Variants in FAM83H observed in about 807,000 individuals in gnomAD.
FAM83H encodes the protein scaffolding CK1 anchoring protein H, also known as protein FAM83H.
A neutral mutation model predicts 30.2 loss-of-function variants in FAM83H; 24 were observed. The observed-to-expected ratio is 0.79, with a 90% confidence interval of 0.57 to 1.12. FAM83H has a LOEUF of 1.12. Among genes scored for constraint, FAM83H ranks in the 50% most tolerant of loss-of-function variants. The pLI, the probability that FAM83H is intolerant of heterozygous loss-of-function variation, is 0.00. For missense variants in FAM83H, 2,038 were observed against 1,773.9 expected (o/e 1.15, Z -2.67); for synonymous variants, 1,013 against 821.7 (o/e 1.23, Z -3.98).
intron 1 of FAM83H, chr8:143,731,535 A>G: frequency 1.0e-6 from 1 of 985,374 alleles, no homozygotes; most frequent in South Asian, 4.7e-5. Context: ...GTCCTGGAAC[A>G]CTGATCCCTA....
rs1477595930 is a variant in FAM83H, at chr8:143,728,337, G to T, written c.1124C>A (p.Pro375Gln). ...GALEPHAGLR[P>Q]LSRRLEAEAG... ...CTCGGCCTCCAGGCGCCGCGAGAGC[G>T]GCCGCAGCCCCGCGTGCGGTTCCAG... Residue 375 changes from proline (P) to glutamine (Q), a missense_variant, in exon 5 of 5, where the codon CCG (proline) becomes CAG (glutamine). Pro to Gln is a moderately conservative substitution (Grantham distance 76). Transcript: ENST00000388913. The T allele has an allele frequency of 6.9e-7, 1 of 1,458,682 alleles. No individual in the cohort carries two copies. The highest frequency in any genetic ancestry group is 1.5e-5 in the African/African-American group (1 of 66,470). 90.4% of individuals were successfully genotyped at this position (1,458,682 alleles called of 1,614,324 possible). A position where few individuals can be genotyped will look rare whatever the true frequency, so the allele number is the denominator to read the frequency against.
intron 4 of FAM83H, 63 bp downstream of exon 4, chr8:143,728,903 AG>A (rs1818411523): frequency 6.2e-7 from 1 of 1,611,086 alleles, no homozygotes; most frequent in Admixed American, 1.7e-5. Context: ...TGGTGTGGAA[AG>A]GGGGTGCTGG....
chr8:143,728,665 G>A lies in FAM83H; in HGVS notation c.796C>T (p.Leu266=). The A allele has an allele frequency of 1.2e-6, 2 of 1,604,576 alleles. No individual in the cohort carries two copies. The highest frequency in any genetic ancestry group is 1.7e-6 in the Non-Finnish European group (2 of 1,179,886). Reference sequence around the variant, plus strand: ...AACTCCTCGTCGAAGCTGGAGACCAGCTCTCCTTGGAACACGTGCGCCAGG... The same window carrying A: ...AACTCCTCGTCGAAGCTGGAGACCAACTCTCCTTGGAACACGTGCGCCAGG... ...RSLAHVFQGE[L]VSSFDEEFRI... Residue 266 remains leucine, a synonymous_variant, in exon 5 of 5, where the codon CTG becomes TTG. Transcript: ENST00000388913.
chr8:143,728,309 G>C lies in FAM83H; in HGVS notation c.1152C>G (p.Ala384=), dbSNP rs782024352. 1.6e-4 allele frequency: 236 copies of C among 1,439,404 alleles called. No homozygotes were observed. In the South Asian group the frequency reaches 1.9e-3, roughly 11 times the overall value. 89.2% of individuals were successfully genotyped at this position (1,439,404 alleles called of 1,614,324 possible). ...CGCCCGCGAGCTCCCCAGCCGGCCC[G>C]GCCTCGGCCTCCAGGCGCCGCGAGA... is the stretch of plus-strand genomic sequence containing the variant. The part of the protein sequence containing the change: ...RPLSRRLEAE[A]GPAGELAGAR... The change falls in exon 5 of 5, where the codon GCC becomes GCG. Residue 384 remains alanine (A), a synonymous_variant. Transcript: ENST00000388913.
chr8:143,725,979 T>C lies in FAM83H; in HGVS notation c.3482A>G (p.Asp1161Gly). ...GEGPAEEGTR[D>G]SKVGKFVPKI... ...GGGCACGAACTTGCCCACCTTGCTG[T>C]CCCTGGTGCCCTCCTCCGCGGGGCC... Residue 1161 changes from aspartate to glycine, a missense_variant, in exon 5 of 5, where the codon GAC (aspartate) becomes GGC (glycine). By Grantham distance (94) the Asp-to-Gly change is moderately conservative. Transcript: ENST00000388913. 1 of 1,613,024 alleles carries C rather than the reference T, an allele frequency of 6.2e-7. No homozygotes were observed. Among genetic ancestry groups the C allele is most frequent in the Non-Finnish European group, 8.5e-7 (1 of 1,179,936 alleles).
At chr8:143,729,377 T>C (rs1818430034) in intron 2 of FAM83H, 54 bp from the exon 3 acceptor site, 1 of 1,600,754 alleles carries the variant, frequency 6.2e-7, no homozygotes, top group Non-Finnish European at 8.5e-7. Context: ...CCCACACCAT[T>C]GTCCAGCCTC....
chr8:143,730,210 A>T lies in FAM83H; in HGVS notation c.373T>A (p.Leu125Met). The change falls in exon 2 of 5, where the codon TTG (leucine) becomes ATG (methionine). Residue 125 changes from leucine to methionine, a missense_variant. Coordinates refer to ENST00000388913, the MANE Select transcript of FAM83H (RefSeq NM_198488.5). ...CTGTCGGGGGGCGGTGGCTGCACCA[A>T]GGTGGTCACCTCGGTGCCCTGGAAG... ...FGFQGTEVTT[L>M]VQPPPPDSPS... is the part of the protein sequence containing the mutation. The T allele has an allele frequency of 6.2e-7, 1 of 1,612,632 alleles. No homozygotes were observed. Among genetic ancestry groups the T allele is most frequent in the Non-Finnish European group, 8.5e-7 (1 of 1,179,310 alleles).
rs782635463 is a variant in FAM83H at position 143,727,656 on chromosome 8, G to A, written c.1805C>T (p.Ala602Val). ...TTCGTAAGCCTCCGCTTCCATGGGCGCCGGTAGGCCGTCGTCGCCCCCATC... is the reference window on the plus strand; with the variant it reads ...TTCGTAAGCCTCCGCTTCCATGGGCACCGGTAGGCCGTCGTCGCCCCCATC... ...GEDGGDDGLP[A>V]PMEAEAYEDD... The change falls in exon 5 of 5, where the codon GCG becomes GTG. Residue 602 changes from alanine to valine, a missense_variant. Physicochemically the swap from Ala to Val is moderately conservative, Grantham distance 64. Transcript: ENST00000388913. 1 of 1,574,276 alleles carries A rather than the reference G, an allele frequency of 6.4e-7. No individual in the cohort carries two copies. The highest frequency in any genetic ancestry group is 8.6e-7 in the Non-Finnish European group (1 of 1,167,662).
In FAM83H at chr8:143,728,182, G is replaced by T; in HGVS notation, c.1279C>A (p.Arg427=). 6 of 1,605,804 alleles carry T rather than the reference G, an allele frequency of 3.7e-6. No individual in the cohort carries two copies. Among genetic ancestry groups the T allele is most frequent in the Non-Finnish European group, 5.1e-6 (6 of 1,178,676 alleles). Residue 427 remains arginine, a synonymous_variant, in exon 5 of 5, where the codon CGG becomes AGG. Transcript: ENST00000388913. ...AGGAACGTCTGCCGCGACACCTGCC[G>T]CGCGGCCGCGAAGTTCTCCACGGCG... ...AGAVENFAAA[R]QVSRQTFLSH... is the part of the protein sequence containing the mutation.
chr8:143,729,378 G>C (rs1163498297), intron 2 of FAM83H, 55 bp from the exon 3 acceptor site: 6 of 1,599,470 alleles, frequency 3.8e-6, no homozygotes, highest in Non-Finnish European at 5.1e-6. Flanking sequence ...CCACACCATT[G>C]TCCAGCCTCC....
chr8:143,726,611 G>A lies in FAM83H; in HGVS notation c.2850C>T (p.Pro950=), dbSNP rs1554621938. ...TISGESPKAG[P]AEEGPSGPME... is the part of the protein sequence containing the mutation. Reference sequence around the variant, plus strand: ...TGGGGCCGCTCGGCCCCTCCTCCGCGGGCCCGGCCTTCGGGGACTCCCCGG... The same window carrying A: ...TGGGGCCGCTCGGCCCCTCCTCCGCAGGCCCGGCCTTCGGGGACTCCCCGG... Residue 950 remains proline (P), a synonymous_variant, in exon 5 of 5, where the codon CCC becomes CCT. Transcript: ENST00000388913. 1 of 1,600,504 alleles carries A rather than the reference G, an allele frequency of 6.2e-7. No individual in the cohort carries two copies. Among genetic ancestry groups the A allele is most frequent in the Non-Finnish European group, 8.5e-7 (1 of 1,178,800 alleles).
At position 143,728,029 on chromosome 8, in the gene FAM83H, C is replaced by T. The variant is rs782021978; in HGVS notation, c.1432G>A (p.Gly478Arg). 6.2e-7 allele frequency: 1 copy of T among 1,605,676 alleles called. No individual in the cohort carries two copies. Among genetic ancestry groups the T allele is most frequent in the East Asian group, 2.2e-5 (1 of 44,768 alleles). The change falls in exon 5 of 5, where the codon GGG becomes AGG. Residue 478 changes from glycine (G) to arginine (R), a missense_variant. Gly to Arg is a moderately radical substitution (Grantham distance 125, BLOSUM62 -2). Transcript: ENST00000388913. Reference sequence around the variant, plus strand: ...GGGTCCGCGAAACCCGCGCGGCCCCCGCGAAGCTTCTCGAACAGGCCTTGC... The same window carrying T: ...GGGTCCGCGAAACCCGCGCGGCCCCTGCGAAGCTTCTCGAACAGGCCTTGC... The part of the protein sequence containing the change: ...RPQGLFEKLR[G>R]GRAGFADPDD...
chr8:143,728,119 A>C lies in FAM83H; in HGVS notation c.1342T>G (p.Phe448Val). ...GDDFRFQTSH[F>V]HRDQLYQQQY... is the part of the protein sequence containing the mutation. ...TGCTGGTAGAGCTGGTCACGGTGGA[A>C]GTGGCTGGTCTGGAAGCGGAAGTCG... Residue 448 changes from phenylalanine to valine, a missense_variant, in exon 5 of 5, where the codon TTC (phenylalanine) becomes GTC (valine). Coordinates refer to ENST00000388913, the MANE Select transcript of FAM83H (RefSeq NM_198488.5). 1 of 1,610,624 alleles carries C rather than the reference A, an allele frequency of 6.2e-7. No individual in the cohort carries two copies. Among genetic ancestry groups the C allele is most frequent in the Non-Finnish European group, 8.5e-7 (1 of 1,179,226 alleles).
intron 2 of FAM83H, 77 bp from the exon 3 acceptor site, chr8:143,729,400 G>A (rs1818430631): frequency 7.8e-6 from 12 of 1,536,010 alleles, no homozygotes; most frequent in Middle Eastern, 1.9e-4. Context: ...CTCCACACCC[G>A]GGAGGTGTCT....
In FAM83H at chr8:143,726,987, C is replaced by T. The variant is rs782471637; in HGVS notation, c.2474G>A (p.Arg825Gln). Residue 825 changes from arginine (R) to glutamine (Q), a missense_variant, in exon 5 of 5, where the codon CGG becomes CAG. By Grantham distance (43) the Arg-to-Gln change is conservative (BLOSUM62 1). Transcript: ENST00000388913. ...GGAAGGCAGGCGGTCGGAGCCGCTC[C>T]GGCCCAGTGTGTCGAGCAGCTGCGC... ...TAAQLLDTLG[R>Q]SGSDRLPSRF... The T allele has an allele frequency of 5.0e-6, 8 of 1,595,570 alleles. No homozygotes were observed. The Admixed American group carries it at 8.6e-5, about 17-fold the overall frequency.
In FAM83H at chr8:143,730,197, G is replaced by A. The variant is rs1017133446; in HGVS notation, c.386C>T (p.Pro129Leu). 4.3e-6 allele frequency: 7 copies of A among 1,610,046 alleles called. No individual in the cohort carries two copies. In the African/African-American group the frequency reaches 5.3e-5, roughly 12 times the overall value. The change falls in exon 2 of 5, where the codon CCG (proline) becomes CTG (leucine). Residue 129 changes from proline to leucine, a missense_variant. Physicochemically the swap from Pro to Leu is moderately conservative, Grantham distance 98. Transcript: ENST00000388913. ...CTTGATACTGGGGCTGTCGGGGGGC[G>A]GTGGCTGCACCAAGGTGGTCACCTC... Reference protein sequence around the residue: ...GTEVTTLVQPPPPDSPSIKDE... With the variant: ...GTEVTTLVQPLPPDSPSIKDE...
rs1245677495 is a variant in FAM83H, at chr8:143,725,142, G to A, written c.*779C>T. ...TAGGAAAGGAAGTGAAGCCCAGGCG[G>A]GGGAGGGGGGAGACGGGGGGGGGGG... On this transcript the variant is annotated 3_prime_UTR_variant, in exon 5 of 5. Transcript: ENST00000388913. 2 of 137,744 alleles carry A rather than the reference G, an allele frequency of 1.5e-5. No homozygotes were observed. Among genetic ancestry groups the A allele is most frequent in the Non-Finnish European group, 1.6e-5 (1 of 62,730 alleles). 8.5% of individuals were successfully genotyped at this position (137,744 alleles called of 1,614,324 possible). A position where few individuals can be genotyped will look rare whatever the true frequency, so the allele number is the denominator to read the frequency against.
chr8:143,732,575 G>A, intron 1 of FAM83H: 1 of 985,372 alleles, frequency 1.0e-6, no homozygotes, highest in Non-Finnish European at 1.2e-6. Flanking sequence ...TGTAATGGGG[G>A]CAGGGACCAT....
Position 143,733,207 on chromosome 8 carries a change from C to T in FAM83H, c.-16+484G>A, listed in dbSNP as rs1818591099. On this transcript the variant is annotated intron_variant, in intron 1 of 4. Transcript: ENST00000388913. The surrounding 1 kb of genome is among the most constrained non-coding windows in gnomAD (Gnocchi z 5.6). ...CTGCGGCCGCTGGGTGCCCTATCCG[C>T]CCACCCCAGCCCAGGAACGTGGGCG... 1 of 152,586 alleles carries T rather than the reference C, an allele frequency of 6.6e-6. No homozygotes were observed. Among genetic ancestry groups the T allele is most frequent in the African/African-American group, 2.4e-5 (1 of 41,458 alleles). The allele number at this position is 152,586 out of a possible 1,614,324, so 9.5% of individuals were successfully genotyped here. A position where few individuals can be genotyped will look rare whatever the true frequency, so the allele number is the denominator to read the frequency against.
Sources: gnomAD v4.1 joint callset for allele counts on GRCh38, gnomAD v4.1.1 for gene constraint, Gnocchi (gnomAD v3.1) non-coding constraint, MANE v1.5 for transcripts, NCBI Gene and HGNC (gene_info 2026-07-23, HGNC 2026-07-21) for gene names.